The following GRM5 variants were observed in gnomAD, a reference collection of about 807,000 sequenced individuals.
The protein encoded by GRM5 is glutamate metabotropic receptor 5.
In GRM5, 19 loss-of-function variants were observed where a neutral mutation model predicts 83.1. The observed-to-expected ratio is 0.23, with a 90% CI of 0.16 to 0.34. The LOEUF is 0.34. GRM5 is among the 10% of genes least tolerant of loss of function. The pLI, the probability that GRM5 is intolerant of heterozygous loss-of-function variation, is 1.00. For synonymous variants in GRM5, 675 were observed against 633.6 expected, an observed-to-expected ratio of 1.07 and a Z score of -0.98; for missense variants, 1,160 against 1,588.3, an observed-to-expected ratio of 0.73 and a Z score of 4.58.
At chr11:88,709,260 G>A (rs558449757) in intron 3 of GRM5, among the ~76,000 whole-genome samples, 3 of 152,092 alleles carry the variant, frequency 2.0e-5, no homozygotes, top group East Asian at 3.9e-4. Flanking sequence ...AAGGGATCAT[G>A]TTCAGGGCCC....
At chr11:88,970,008 CAAGT>C in intron 2 of GRM5, among the ~76,000 whole-genome samples, 1 of 152,196 alleles carries the variant, frequency 6.6e-6, no homozygotes, top group South Asian at 2.1e-4. Flanking sequence ...TTCCAATACT[CAAGT>C]AGGTATTACC....
At chr11:88,798,950 G>C (rs1486759484) in intron 3 of GRM5, among the ~76,000 whole-genome samples, 1 of 151,742 alleles carries the variant, frequency 6.6e-6, no homozygotes, top group Non-Finnish European at 1.5e-5. Flanking sequence ...CTAGATGTAT[G>C]TTAAATTAAA....
chr11:88,653,850 A>G (rs1304447965), intron 3 of GRM5, among the ~76,000 whole-genome samples: 1 of 152,076 alleles, frequency 6.6e-6, no homozygotes, highest in Non-Finnish European at 1.5e-5. Context: ...CAACATACCT[A>G]ATATTAATTT....
chr11:88,883,895 A>G (rs1945001139), intron 2 of GRM5, among the ~76,000 whole-genome samples: 2 of 152,134 alleles, frequency 1.3e-5, no homozygotes. Context: ...AAACTTCCAT[A>G]TACATTTTAA....
chr11:89,060,400 A>G (rs904927575), intron 1 of GRM5, among the ~76,000 whole-genome samples: 4 of 152,108 alleles, frequency 2.6e-5, no homozygotes, highest in African/African-American at 9.7e-5. Flanking sequence ...AATTAATTGC[A>G]CAAATAAAAA....
At chr11:88,840,341 T>C (rs866927879) in intron 3 of GRM5, among the ~76,000 whole-genome samples, 1 of 152,296 alleles carries the variant, frequency 6.6e-6, no homozygotes. Flanking sequence ...TTCTTCAACA[T>C]CATCTTCCTC....
chr11:88,598,556 C>A (rs1005233729), intron 5 of GRM5, among the ~76,000 whole-genome samples: 2 of 151,710 alleles, frequency 1.3e-5, no homozygotes, highest in Non-Finnish European at 2.9e-5. Context: ...ACTTCTAAAT[C>A]AAAAATACCA....
chr11:88,901,523 T>C (rs547465198), intron 2 of GRM5, among the ~76,000 whole-genome samples: 2 of 152,282 alleles, frequency 1.3e-5, no homozygotes, highest in African/African-American at 4.8e-5. Flanking sequence ...TATCTTGGAA[T>C]GTTTCCCTAA....
Position 88,508,937 on chromosome 11 carries a change from C to A in GRM5, c.3294G>T (p.Leu1098=). ...TGGGCAACTGGATCTCTTTGGGGATCAGGTAGGACGAGCAGAGCGGGGCGC... is the reference window on the plus strand; with the variant it reads ...TGGGCAACTGGATCTCTTTGGGGATAAGGTAGGACGAGCAGAGCGGGGCGC... ...GVGAPLCSSY[L]IPKEIQLPTT... is the part of the protein sequence containing the mutation. Residue 1098 remains leucine (L), a synonymous_variant, in exon 10 of 10, where the codon CTG becomes CTT. Coordinates refer to ENST00000305447, the MANE Select transcript of GRM5 (RefSeq NM_001143831.3). The surrounding 1 kb of genome is among the most constrained non-coding windows in gnomAD (Gnocchi z 4.2). The A allele has an allele frequency of 6.3e-7, 1 of 1,599,282 alleles. No individual in the cohort carries two copies. The highest frequency in any genetic ancestry group is 1.7e-5 in the Admixed American group (1 of 57,920).
Position 88,814,305 on chromosome 11 carries a change from A to G in GRM5, c.911+35601T>C, listed in dbSNP as rs765867276. Among the ~76,000 whole-genome samples, 23 of 152,302 alleles carry G rather than the reference A, an allele frequency of 1.5e-4. No homozygotes were observed. In the Middle Eastern group the frequency reaches 0.01, roughly 68 times the overall value. ...GACACAAAGGCTTCTAACATCTACAAGATAGAGGACTAGAGAAGAGGACTC... is the reference window on the plus strand; with the variant it reads ...GACACAAAGGCTTCTAACATCTACAGGATAGAGGACTAGAGAAGAGGACTC... On this transcript the variant is annotated intron_variant, in intron 3 of 9. Transcript: ENST00000305447.
At chr11:88,551,645 G>A (rs540619744) in intron 8 of GRM5, among the ~76,000 whole-genome samples, 1 of 152,260 alleles carries the variant, frequency 6.6e-6, no homozygotes, top group African/African-American at 2.4e-5. Flanking sequence ...AACCTCAACA[G>A]TTGAATTCAA....
At chr11:88,639,906 A>AT (rs1939244231) in intron 4 of GRM5, among the ~76,000 whole-genome samples, 2 of 152,134 alleles carry the variant, frequency 1.3e-5, no homozygotes, top group Non-Finnish European at 2.9e-5. Context: ...CTCACTGAGT[A>AT]TTTTTTGACA....
At chr11:88,574,334 T>A (rs1293011072) in intron 7 of GRM5, among the ~76,000 whole-genome samples, 1 of 152,188 alleles carries the variant, frequency 6.6e-6, no homozygotes, top group Non-Finnish European at 1.5e-5. Flanking sequence ...AGAACTATTA[T>A]GTAGTGTTTT....
chr11:89,010,221 A>C (rs1451908808), intron 2 of GRM5, among the ~76,000 whole-genome samples: 1 of 151,890 alleles, frequency 6.6e-6, no homozygotes, highest in Non-Finnish European at 1.5e-5. Flanking sequence ...CCCACAGAAT[A>C]CTCTCCCTTA....
intron 8 of GRM5, among the ~76,000 whole-genome samples, chr11:88,555,306 G>C (rs1942600059): frequency 6.6e-6 from 1 of 152,130 alleles, no homozygotes; most frequent in African/African-American, 2.4e-5. Context: ...CCCTACTCCA[G>C]ACAAACTGAA....
intron 2 of GRM5, among the ~76,000 whole-genome samples, chr11:88,881,880 G>C (rs1373449781): frequency 1.3e-5 from 1 of 74,102 alleles, no homozygotes; most frequent in Non-Finnish European, 2.4e-5. Flanking sequence ...GGCATAATAA[G>C]TACTTATATA....
At chr11:88,696,418 G>GT (rs1940903376) in intron 3 of GRM5, among the ~76,000 whole-genome samples, 1 of 152,136 alleles carries the variant, frequency 6.6e-6, no homozygotes, top group Non-Finnish European at 1.5e-5. Context: ...ACTTAGGTCT[G>GT]TGGAGCCTTT....
At chr11:88,720,796 CTGTG>C (rs748475378) in intron 3 of GRM5, among the ~76,000 whole-genome samples, 2 of 141,676 alleles carry the variant, frequency 1.4e-5, no homozygotes, top group East Asian at 2.2e-4. Flanking sequence ...AATCATTACT[CTGTG>C]TGTGTGTGTG....
intron 7 of GRM5, among the ~76,000 whole-genome samples, chr11:88,586,957 C>A (rs1943327805): frequency 6.6e-6 from 1 of 152,118 alleles, no homozygotes; most frequent in South Asian, 2.1e-4. Flanking sequence ...GGCCTTAATA[C>A]CTACTTTAAT....
Sources: gnomAD v4.1 joint callset for allele counts (sites outside exome capture counted in the v4.1 genomes callset) on GRCh38, gnomAD v4.1.1 for gene constraint, Gnocchi (gnomAD v3.1) non-coding constraint, MANE v1.5 for transcripts, NCBI Gene and HGNC (gene_info 2026-07-23, HGNC 2026-07-21) for gene names.